NRBF2: variants seen among roughly 807,000 people sequenced by gnomAD.
NRBF2 encodes the protein nuclear receptor-binding factor 2.
A neutral mutation model predicts 28.5 loss-of-function variants in NRBF2; 12 were observed. The observed-to-expected ratio is 0.42, with a 90% confidence interval of 0.27 to 0.68. NRBF2 has a LOEUF of 0.68. Ranked by LOEUF, NRBF2 falls within the 30% of genes least tolerant of loss-of-function variation. The pLI is 0.24. For missense variants in NRBF2, 274 were observed against 333.5 expected (o/e 0.82, Z 1.39); for synonymous variants, 102 against 116.5 (o/e 0.88, Z 0.80).
At chr10:63,135,266 A>G (rs1564527985) in intron 1 of NRBF2, among the ~76,000 whole-genome samples, 2 of 152,232 alleles carry the variant, frequency 1.3e-5, no homozygotes, top group African/African-American at 2.4e-5. Flanking sequence ...TGGATGGCTC[A>G]ATACTGAAAC....
At position 63,146,410 on chromosome 10, in the gene NRBF2, C is replaced by G. The variant is rs992928173; in HGVS notation, c.115+117C>G. The stretch of plus-strand genomic sequence containing the variant: ...TACTGCTGACCCACCAGAATATCAG[C>G]TTTGATTATTTTTCAAGTAAGTGTG... On this transcript the variant is annotated intron_variant, in intron 2 of 3. Transcript: ENST00000277746. 4 of 636,174 alleles carry G rather than the reference C, an allele frequency of 6.3e-6. No individual in the cohort carries two copies. In the East Asian group the frequency reaches 9.0e-5, roughly 14 times the overall value. The allele number at this position is 636,174 out of a possible 1,614,324, so 39.4% of individuals were successfully genotyped here.
intron 1 of NRBF2, among the ~76,000 whole-genome samples, chr10:63,144,762 T>C (rs1841533712): frequency 6.6e-6 from 1 of 152,214 alleles, no homozygotes; most frequent in South Asian, 2.1e-4. Flanking sequence ...TGTGTGTGTA[T>C]ACTGCATTTA....
intron 1 of NRBF2, among the ~76,000 whole-genome samples, chr10:63,143,085 C>G (rs1463608929): frequency 6.6e-6 from 1 of 152,016 alleles, no homozygotes; most frequent in Non-Finnish European, 1.5e-5. Flanking sequence ...CCAGCCTACC[C>G]AGTCATTTCT....
chr10:63,144,068 T>G (rs76695522), intron 1 of NRBF2, among the ~76,000 whole-genome samples: 2,912 of 152,258 alleles, frequency 0.019, 94 homozygotes, highest in African/African-American at 0.065. Flanking sequence ...ACTTTTTACC[T>G]TTTTTAAGTG....
chr10:63,142,781 T>TTTTTTC (rs1554821460), intron 1 of NRBF2, among the ~76,000 whole-genome samples: 25 of 6,532 alleles, frequency 3.8e-3, no homozygotes, highest in Non-Finnish European at 6.3e-3. Context: ...TCTTTCTTTC[T>TTTTTTC]TTTTTTTTTT....
Position 63,133,394 on chromosome 10 carries a change from G to C in NRBF2, c.-77G>C, listed in dbSNP as rs910467363. On this transcript the variant is annotated 5_prime_UTR_variant, in exon 1 of 4. Transcript: ENST00000277746. Reference sequence around the variant, plus strand: ...GGGCCGCAGTCTCCGCGGCTGCGTCGAGCTCCCTTGCAGTCCCCTCCATGT... The same window carrying C: ...GGGCCGCAGTCTCCGCGGCTGCGTCCAGCTCCCTTGCAGTCCCCTCCATGT... 1.3e-6 allele frequency: 2 copies of C among 1,575,980 alleles called. No homozygotes were observed. Among genetic ancestry groups the C allele is most frequent in the Non-Finnish European group, 1.7e-6 (2 of 1,153,844 alleles).
intron 2 of NRBF2, among the ~76,000 whole-genome samples, chr10:63,151,385 A>G (rs1841647320): frequency 6.6e-6 from 1 of 152,380 alleles, no homozygotes; most frequent in South Asian, 2.1e-4. Context: ...ACAATAAAAT[A>G]TCGAATGTAA....
intron 2 of NRBF2, among the ~76,000 whole-genome samples, chr10:63,147,273 C>T (rs1298747384): frequency 1.3e-5 from 2 of 151,946 alleles, no homozygotes; most frequent in Non-Finnish European, 2.9e-5. Context: ...AGTCTTCTTA[C>T]TACAGTGGTT....
At chr10:63,138,870 G>A (rs1167685695) in intron 1 of NRBF2, among the ~76,000 whole-genome samples, 1 of 152,148 alleles carries the variant, frequency 6.6e-6, no homozygotes. Flanking sequence ...CTACTTGTTT[G>A]TAGGAGACGC....
Position 63,154,112 on chromosome 10 carries a change from C to T in NRBF2, c.758C>T (p.Ala253Val), listed in dbSNP as rs781140839. 2 of 1,613,746 alleles carry T rather than the reference C, an allele frequency of 1.2e-6. No homozygotes were observed. Among genetic ancestry groups the T allele is most frequent in the African/African-American group, 1.3e-5 (1 of 74,910 alleles). Reference protein sequence around the residue: ...WQKFAANTGKAKDIPIPNLPP... With the variant: ...WQKFAANTGKVKDIPIPNLPP... ...AAGTTCGCAGCAAATACTGGGAAAG[C>T]CAAGGACATTCCAATCCCCAATCTT... Residue 253 changes from alanine to valine, a missense_variant, in exon 4 of 4, where the codon GCC becomes GTC. By Grantham distance (64) the Ala-to-Val change is moderately conservative (BLOSUM62 0). Coordinates refer to ENST00000277746, the MANE Select transcript of NRBF2 (RefSeq NM_030759.5).
intron 1 of NRBF2, among the ~76,000 whole-genome samples, chr10:63,144,994 T>A (rs565113398): frequency 6.6e-6 from 1 of 152,104 alleles, no homozygotes; most frequent in Non-Finnish European, 1.5e-5. Context: ...TATAATCTTA[T>A]GTAAGTTACA....
At chr10:63,153,366 C>T in intron 3 of NRBF2, 145 bp from the exon 4 acceptor site, 1 of 642,208 alleles carries the variant, frequency 1.6e-6, no homozygotes, top group East Asian at 2.8e-5. Flanking sequence ...GGACTTCTGA[C>T]TTTCTGAATG....
chr10:63,137,776 A>G (rs1387063992), intron 1 of NRBF2, among the ~76,000 whole-genome samples: 1 of 152,092 alleles, frequency 6.6e-6, no homozygotes, highest in Non-Finnish European at 1.5e-5. Context: ...GGCAATTTGA[A>G]CCCCTTCTTT....
intron 1 of NRBF2, among the ~76,000 whole-genome samples, chr10:63,141,781 T>A (rs1055524958): frequency 6.6e-6 from 1 of 152,244 alleles, no homozygotes; most frequent in African/African-American, 2.4e-5. Flanking sequence ...AGTCGAGCTC[T>A]ATAACGAGTT....
At position 63,154,336 on chromosome 10, in the gene NRBF2, T is replaced by C; in HGVS notation, c.*118T>C. 1.4e-6 allele frequency: 1 copy of C among 700,504 alleles called. No individual in the cohort carries two copies. The highest frequency in any genetic ancestry group is 2.4e-6 in the Non-Finnish European group (1 of 421,098). 43.4% of individuals were successfully genotyped at this position (700,504 alleles called of 1,614,324 possible). On this transcript the variant is annotated 3_prime_UTR_variant, in exon 4 of 4. Coordinates refer to ENST00000277746, the MANE Select transcript of NRBF2 (RefSeq NM_030759.5). ...GTAATCCCGGAAATGCTTCATCTGG[T>C]GGACTGTGGGAGCAGAGGCATTGCC...
chr10:63,153,960 A>G lies in NRBF2; in HGVS notation c.606A>G (p.Glu202=). 1 of 1,611,966 alleles carries G rather than the reference A, an allele frequency of 6.2e-7. No homozygotes were observed. The change falls in exon 4 of 4, where the codon GAA becomes GAG. Residue 202 remains glutamate, a synonymous_variant. Transcript: ENST00000277746. ...LRKENKQLKA[E]KARLLKGPIE... is the part of the protein sequence containing the mutation. ...AAGAAAATAAACAACTAAAGGCTGAAAAGGCCAGACTTCTAAAAGGTCCAA... is the reference window on the plus strand; with the variant it reads ...AAGAAAATAAACAACTAAAGGCTGAGAAGGCCAGACTTCTAAAAGGTCCAA...
Position 63,146,221 on chromosome 10 carries a change from A to C in NRBF2, c.43A>C (p.Ser15Arg). ...EGPLNLAHQQ[S>R]RRADRLLAAG... The stretch of plus-strand genomic sequence containing the variant: ...GTTTGTCTTCTAGGCTCATCAACAG[A>C]GCAGACGAGCAGACCGTTTATTAGC... Residue 15 changes from serine (S) to arginine (R), a missense_variant, in exon 2 of 4, where the codon AGC becomes CGC. Transcript: ENST00000277746. 1 of 1,611,616 alleles carries C rather than the reference A, an allele frequency of 6.2e-7. No individual in the cohort carries two copies. Among genetic ancestry groups the C allele is most frequent in the Non-Finnish European group, 8.5e-7 (1 of 1,179,356 alleles).
At chr10:63,141,849 G>T (rs900000652) in intron 1 of NRBF2, among the ~76,000 whole-genome samples, 27 of 152,244 alleles carry the variant, frequency 1.8e-4, no homozygotes, top group East Asian at 1.9e-4. Context: ...AAATTTGATT[G>T]CTCTGGTGCC....
intron 1 of NRBF2, among the ~76,000 whole-genome samples, chr10:63,138,240 G>A (rs1179289910): frequency 1.3e-5 from 2 of 152,084 alleles, no homozygotes; most frequent in African/African-American, 4.8e-5. Flanking sequence ...TTGAATCCAG[G>A]AGGTGGAGGT....
Sources: gnomAD v4.1 joint callset for allele counts (sites outside exome capture counted in the v4.1 genomes callset) on GRCh38, gnomAD v4.1.1 for gene constraint, MANE v1.5 for transcripts, NCBI Gene and HGNC (gene_info 2026-07-23, HGNC 2026-07-21) for gene names.